The following KCNB2 variants were observed in gnomAD, a reference collection of about 807,000 sequenced individuals.
KCNB2 encodes the protein potassium voltage-gated channel subfamily B member 2.
A neutral mutation model predicts 61.5 loss-of-function variants in KCNB2; 15 were observed. The ratio of observed to expected loss-of-function variants is 0.24; its 90% CI spans 0.16 to 0.38. The LOEUF (loss-of-function observed/expected upper bound fraction) is 0.38. Ranked by LOEUF, KCNB2 falls within the 10% of genes least tolerant of loss-of-function variation. The probability of loss-of-function intolerance (pLI) is 1.00; values close to 1 mark genes in which losing one functional copy is unlikely to be tolerated. For synonymous variants in KCNB2, 457 were observed against 446.0 expected (o/e 1.02, Z -0.31); for missense variants, 828 against 1,125.2 (o/e 0.74, Z 3.78).
At chr8:72,782,734 C>T (rs928729440) in intron 2 of KCNB2, among the ~76,000 whole-genome samples, 11 of 152,222 alleles carry the variant, frequency 7.2e-5, no homozygotes, top group Admixed American at 4.6e-4. Flanking sequence ...ATATTTGTCT[C>T]GCTGGCTGTG....
At chr8:72,862,488 A>G (rs982443593) in intron 2 of KCNB2, among the ~76,000 whole-genome samples, 2 of 152,164 alleles carry the variant, frequency 1.3e-5, no homozygotes, top group Non-Finnish European at 2.9e-5. Context: ...GTTACTAAAC[A>G]TGAAGTTTTT....
At chr8:72,678,697 G>T (rs531440365) in intron 2 of KCNB2, among the ~76,000 whole-genome samples, 4 of 152,154 alleles carry the variant, frequency 2.6e-5, no homozygotes, top group Admixed American at 2.0e-4. Context: ...GATTTATGAC[G>T]TCAGGGATTT....
chr8:72,778,869 C>T (rs908689958), intron 2 of KCNB2, among the ~76,000 whole-genome samples: 16 of 151,600 alleles, frequency 1.1e-4, no homozygotes, highest in Non-Finnish European at 4.4e-5. Flanking sequence ...CCCAACACAA[C>T]CTCGTAGCCT....
intron 2 of KCNB2, among the ~76,000 whole-genome samples, chr8:72,921,228 A>T (rs1221500592): frequency 2.6e-5 from 4 of 152,132 alleles, no homozygotes; most frequent in African/African-American, 9.7e-5. Context: ...CAAACATTTT[A>T]CAAAACACTG....
At chr8:72,627,427 G>A (rs1369767188) in intron 2 of KCNB2, among the ~76,000 whole-genome samples, 3 of 152,188 alleles carry the variant, frequency 2.0e-5, no homozygotes, top group Non-Finnish European at 4.4e-5. Flanking sequence ...AGAAATGATA[G>A]AAAGTATATG....
chr8:72,769,231 A>G (rs1808519735), intron 2 of KCNB2, among the ~76,000 whole-genome samples: 1 of 152,050 alleles, frequency 6.6e-6, no homozygotes, highest in Non-Finnish European at 1.5e-5. Flanking sequence ...TTCATTGATT[A>G]AAAGATTCAC....
intron 2 of KCNB2, among the ~76,000 whole-genome samples, chr8:72,681,520 C>A (rs1398779180): frequency 6.6e-6 from 1 of 152,130 alleles, no homozygotes; most frequent in African/African-American, 2.4e-5. Flanking sequence ...CCTAAGATAA[C>A]AATGCCTTCT....
At position 72,796,226 on chromosome 8, in the gene KCNB2, G is replaced by A. The variant is rs186648722; in HGVS notation, c.580-139709G>A. Among the ~76,000 whole-genome samples the A allele has an allele frequency of 1.6e-3, 236 of 152,216 alleles. 1 individual carries two copies. The highest frequency in any genetic ancestry group is 4.6e-3 in the African/African-American group (192 of 41,562). On this transcript the variant is annotated intron_variant, in intron 2 of 2. Coordinates refer to ENST00000523207, the MANE Select transcript of KCNB2 (RefSeq NM_004770.3). ...GTGGGGTGACCACCTGGTTGGAGCC[G>A]ATGTGATAGTCAGTGTTTGAATTAT...
At chr8:72,684,371 G>A (rs1806813157) in intron 2 of KCNB2, among the ~76,000 whole-genome samples, 1 of 152,216 alleles carries the variant, frequency 6.6e-6, no homozygotes, top group African/African-American at 2.4e-5. Context: ...CGAGAGGTCA[G>A]GGCTGCAGAT....
intron 2 of KCNB2, among the ~76,000 whole-genome samples, chr8:72,569,007 C>G (rs544072477): frequency 6.6e-6 from 1 of 152,002 alleles, no homozygotes; most frequent in South Asian, 2.1e-4. Flanking sequence ...CATATTTTCC[C>G]ATTGTGACTG....
chr8:72,903,866 A>C (rs1806128192), intron 2 of KCNB2, among the ~76,000 whole-genome samples: 1 of 152,134 alleles, frequency 6.6e-6, no homozygotes, highest in African/African-American at 2.4e-5. Context: ...AAAAAGCTTA[A>C]TTTTATGGAG....
chr8:72,596,504 A>G (rs926987679), intron 2 of KCNB2, among the ~76,000 whole-genome samples: 13 of 152,198 alleles, frequency 8.5e-5, no homozygotes, highest in Non-Finnish European at 1.9e-4. Context: ...TATTATGCAT[A>G]TAATGTTTGA....
intron 2 of KCNB2, among the ~76,000 whole-genome samples, chr8:72,850,376 T>A (rs146269061): frequency 6.6e-6 from 1 of 152,092 alleles, no homozygotes; most frequent in South Asian, 2.1e-4. Context: ...CCTGACACAA[T>A]GCCTAGCTAA....
intron 2 of KCNB2, among the ~76,000 whole-genome samples, chr8:72,836,646 C>T (rs948432357): frequency 6.6e-6 from 1 of 152,212 alleles, no homozygotes; most frequent in Admixed American, 6.5e-5. Flanking sequence ...CATAGTGGCT[C>T]ACACTTGTAA....
At chr8:72,907,434 A>G (rs998774456) in intron 2 of KCNB2, among the ~76,000 whole-genome samples, 7 of 152,004 alleles carry the variant, frequency 4.6e-5, no homozygotes, top group African/African-American at 1.7e-4. Flanking sequence ...AAGGAGGAGG[A>G]GGAAGAGGAA....
chr8:72,545,530 T>C (rs896742510), intron 1 of KCNB2, among the ~76,000 whole-genome samples: 1 of 152,182 alleles, frequency 6.6e-6, no homozygotes, highest in Non-Finnish European at 1.5e-5. Flanking sequence ...ACTTAATGGA[T>C]GAATGTTGTG....
intron 2 of KCNB2, among the ~76,000 whole-genome samples, chr8:72,573,267 T>G (rs534005973): frequency 6.6e-6 from 1 of 152,310 alleles, no homozygotes; most frequent in Admixed American, 6.5e-5. Flanking sequence ...TTCTAATGCT[T>G]TGAATGAAAA....
chr8:72,608,209 G>A lies in KCNB2; in HGVS notation c.579+39896G>A, dbSNP rs540874396. 2.6e-5 allele frequency among the ~76,000 whole-genome samples: 4 copies of A among 152,244 alleles called. No homozygotes were observed. In the East Asian group the frequency reaches 7.7e-4, roughly 29 times the overall value. ...GGAGTCTGCTTTGTGCACATCTGTG[G>A]CAGATATGGCAGATGGGGGTGGGCA... is the stretch of plus-strand genomic sequence containing the variant. On this transcript the variant is annotated intron_variant, in intron 2 of 2. Coordinates refer to ENST00000523207, the MANE Select transcript of KCNB2 (RefSeq NM_004770.3).
rs559027592 is a variant in KCNB2, at chr8:72,700,194, G to T, written c.579+131881G>T. 5.9e-5 allele frequency among the ~76,000 whole-genome samples: 9 copies of T among 152,086 alleles called. No homozygotes were observed. The East Asian group carries it at 1.5e-3, about 26-fold the overall frequency. On this transcript the variant is annotated intron_variant, in intron 2 of 2. Coordinates refer to ENST00000523207, the MANE Select transcript of KCNB2 (RefSeq NM_004770.3). ...GGAACATCACACACCAGGTTCTGTT[G>T]GGGTTTGGGGGGCAAGGGGAGGGAG...
Sources: gnomAD v4.1 joint callset for allele counts (sites outside exome capture counted in the v4.1 genomes callset) on GRCh38, gnomAD v4.1.1 for gene constraint, MANE v1.5 for transcripts, NCBI Gene and HGNC (gene_info 2026-07-23, HGNC 2026-07-21) for gene names.